Variants in CDKAL1 observed in about 807,000 individuals in gnomAD.
CDKAL1 encodes CDKAL1 threonylcarbamoyladenosine tRNA methylthiotransferase, also known as threonylcarbamoyladenosine tRNA methylthiotransferase.
A neutral mutation model predicts 68.2 loss-of-function variants in CDKAL1; 32 were observed. The observed-to-expected ratio is 0.47, with a 90% CI of 0.35 to 0.63. The LOEUF (loss-of-function observed/expected upper bound fraction) is 0.63. Ranked by LOEUF, CDKAL1 falls within the 30% of genes least tolerant of loss-of-function variation. The pLI is 0.00. For synonymous variants in CDKAL1, 234 were observed against 244.3 expected (o/e 0.96, Z 0.39); for missense variants, 606 against 696.7 (o/e 0.87, Z 1.47).
intron 8 of CDKAL1, among the ~76,000 whole-genome samples, chr6:20,795,175 A>G (rs1311288403): frequency 1.3e-5 from 2 of 152,070 alleles, no homozygotes; most frequent in Admixed American, 1.3e-4. Context: ...CTATAGGTTT[A>G]TATGTTTGTA....
chr6:20,571,766 T>C (rs1165925965), intron 4 of CDKAL1, among the ~76,000 whole-genome samples: 1 of 151,904 alleles, frequency 6.6e-6, no homozygotes, highest in African/African-American at 2.4e-5. Context: ...AGATTTATCT[T>C]TGATGTTGAG....
intron 10 of CDKAL1, among the ~76,000 whole-genome samples, chr6:20,995,982 A>G (rs932840991): frequency 6.6e-6 from 1 of 152,220 alleles, no homozygotes; most frequent in Admixed American, 6.5e-5. Context: ...ATAATTTGCT[A>G]CAGCTTCTAC....
chr6:21,226,545 A>ATAAC (rs1171613629), intron 15 of CDKAL1, among the ~76,000 whole-genome samples: 2 of 152,382 alleles, frequency 1.3e-5, no homozygotes, highest in Non-Finnish European at 2.9e-5. Flanking sequence ...AACAGGATAA[A>ATAAC]TAACTCCATT....
chr6:21,159,411 C>T (rs750070666), intron 13 of CDKAL1, among the ~76,000 whole-genome samples: 4 of 152,184 alleles, frequency 2.6e-5, no homozygotes, highest in Non-Finnish European at 4.4e-5. Flanking sequence ...GTTCCTCTCT[C>T]GAATCTGTTC....
chr6:21,047,604 G>A (rs1561987807), intron 11 of CDKAL1, among the ~76,000 whole-genome samples: 1 of 152,120 alleles, frequency 6.6e-6, no homozygotes. Context: ...CTGTCTATGT[G>A]GCTGTTGCCT....
chr6:21,099,459 A>G (rs992756371), intron 12 of CDKAL1, among the ~76,000 whole-genome samples: 2 of 152,150 alleles, frequency 1.3e-5, no homozygotes, highest in African/African-American at 2.4e-5. Flanking sequence ...TTTTAAATGT[A>G]CAAACAAATC....
chr6:21,147,888 T>C (rs1776254348), intron 13 of CDKAL1, among the ~76,000 whole-genome samples: 1 of 152,268 alleles, frequency 6.6e-6, no homozygotes, highest in Non-Finnish European at 1.5e-5. Flanking sequence ...GCTTACTTTT[T>C]AACTAATTCA....
At chr6:20,544,595 CAAAAAAAAAAAAAA>C (rs747920604) in intron 2 of CDKAL1, among the ~76,000 whole-genome samples, 2 of 56,720 alleles carry the variant, frequency 3.5e-5, no homozygotes, top group Non-Finnish European at 6.6e-5. Flanking sequence ...AACTCCGTCT[CAAAAAAAAAAAAAA>C]AAAAAAAAAA....
intron 8 of CDKAL1, among the ~76,000 whole-genome samples, chr6:20,790,355 G>T (rs1442841638): frequency 2.0e-5 from 3 of 152,028 alleles, no homozygotes; most frequent in African/African-American, 7.3e-5. Context: ...TGGTGGGGTG[G>T]GGGGAACCAA....
intron 11 of CDKAL1, among the ~76,000 whole-genome samples, chr6:21,061,796 G>A (rs1426599551): frequency 1.3e-5 from 2 of 152,066 alleles, no homozygotes; most frequent in African/African-American, 2.4e-5. Context: ...GTATAGATCC[G>A]CCTCATCTCA....
chr6:21,167,612 A>G (rs944335502), intron 13 of CDKAL1, among the ~76,000 whole-genome samples: 1 of 152,164 alleles, frequency 6.6e-6, no homozygotes, highest in Non-Finnish European at 1.5e-5. Context: ...CTATTCTTTG[A>G]CCTTCCTTTG....
At chr6:20,651,623 G>T (rs1036515369) in intron 5 of CDKAL1, among the ~76,000 whole-genome samples, 2 of 152,254 alleles carry the variant, frequency 1.3e-5, no homozygotes, top group African/African-American at 4.8e-5. Context: ...GGGCATCCTT[G>T]TCTTGTGCCC....
At chr6:20,915,146 T>G (rs915841038) in intron 9 of CDKAL1, among the ~76,000 whole-genome samples, 1 of 150,022 alleles carries the variant, frequency 6.7e-6, no homozygotes, top group African/African-American at 2.5e-5. Flanking sequence ...TATGTTAAAA[T>G]CACAGATTAT....
At chr6:20,832,177 C>G (rs1280981685) in intron 8 of CDKAL1, among the ~76,000 whole-genome samples, 1 of 152,074 alleles carries the variant, frequency 6.6e-6, no homozygotes, top group Admixed American at 6.6e-5. Flanking sequence ...TAAACATAAA[C>G]AGCAAGTAAT....
rs553170550 is a variant in CDKAL1, at chr6:20,849,410, C to T, written c.742+3232C>T. The stretch of plus-strand genomic sequence containing the variant: ...CATCCTAACTAACACAGTAAAACCC[C>T]GTCTCTACTAAAACTACAAAAAATT... On this transcript the variant is annotated intron_variant, in intron 9 of 15. Coordinates refer to ENST00000274695, the MANE Select transcript of CDKAL1 (RefSeq NM_017774.3). 3.3e-5 allele frequency among the ~76,000 whole-genome samples: 5 copies of T among 151,962 alleles called. No individual in the cohort carries two copies. The East Asian group carries it at 7.8e-4, about 24-fold the overall frequency.
intron 5 of CDKAL1, among the ~76,000 whole-genome samples, chr6:20,665,499 T>C (rs58048170): frequency 0.21 from 32,065 of 151,998 alleles, 4,148 homozygotes; most frequent in East Asian, 0.38. Flanking sequence ...ATGCCAAGAA[T>C]AGCATTGGTG....
At chr6:21,014,543 G>A (rs1224606386) in intron 11 of CDKAL1, among the ~76,000 whole-genome samples, 3 of 151,776 alleles carry the variant, frequency 2.0e-5, no homozygotes, top group Non-Finnish European at 4.4e-5. Context: ...CCTGGGAGGC[G>A]GAGCTTGCAA....
At chr6:21,114,123 C>T (rs1458177379) in intron 13 of CDKAL1, among the ~76,000 whole-genome samples, 18 of 151,742 alleles carry the variant, frequency 1.2e-4, no homozygotes, top group Non-Finnish European at 2.5e-4. Flanking sequence ...TGGCCGGCGC[C>T]TGTAGTCCCC....
chr6:20,745,350 G>T (rs1042677058), intron 6 of CDKAL1, among the ~76,000 whole-genome samples: 8 of 152,174 alleles, frequency 5.3e-5, no homozygotes, highest in African/African-American at 1.9e-4. Flanking sequence ...GTGGAGCAGT[G>T]TCACAGTAAC....
Sources: allele counts gnomAD v4.1 joint callset (sites outside exome capture counted in the v4.1 genomes callset), GRCh38; gene constraint gnomAD v4.1.1; transcripts MANE v1.5; gene names NCBI Gene and HGNC (gene_info 2026-07-23, HGNC 2026-07-21).